CENPF: variants seen among roughly 807,000 people sequenced by gnomAD.
CENPF encodes AH antigen.
CENPF carries 214 observed loss-of-function variants against 307.3 expected under a neutral mutation model. The ratio of observed to expected loss-of-function variants is 0.70; its 90% confidence interval spans 0.62 to 0.78. The LOEUF is 0.78. Among genes scored for constraint, CENPF ranks in the 30% least tolerant of loss-of-function variants. The pLI is 0.00. For missense variants in CENPF, 3,401 were observed against 3,483.9 expected (o/e 0.98, Z 0.60); for synonymous variants, 1,259 against 1,270.6 (o/e 0.99, Z 0.19).
intron 3 of CENPF, chr1:214,615,277 G>A (rs921906129): frequency 3.8e-6 from 1 of 264,412 alleles, no homozygotes. Flanking sequence ...CATTACTCAT[G>A]TATTCATTCA....
Position 214,644,791 on chromosome 1 carries a change from G to T in CENPF, c.5221G>T (p.Gly1741Cys), listed in dbSNP as rs895078150. 1.9e-6 allele frequency: 3 copies of T among 1,613,726 alleles called. No individual in the cohort carries two copies. The highest frequency in any genetic ancestry group is 2.7e-5 in the African/African-American group (2 of 74,832). The change falls in exon 13 of 20, where the codon GGC becomes TGC. Residue 1741 changes from glycine to cysteine, a missense_variant. Coordinates refer to ENST00000366955, the MANE Select transcript of CENPF (RefSeq NM_016343.4). ...YEPPGEDKTQ[G>C]SSECISELSF... ...GCCTCCAGGGGAAGATAAAACCCAG[G>T]GCTCTTCAGAATGCATTTCTGAATT...
intron 5 of CENPF, among the ~76,000 whole-genome samples, 168 bp from the exon 6 acceptor site, chr1:214,620,487 A>G (rs1479080564): frequency 2.0e-5 from 3 of 152,236 alleles, no homozygotes; most frequent in African/African-American, 2.4e-5. Context: ...AGAACATTCC[A>G]TCACTGGGTA....
intron 3 of CENPF, among the ~76,000 whole-genome samples, chr1:214,616,422 C>T (rs988575871): frequency 6.6e-6 from 1 of 152,154 alleles, no homozygotes; most frequent in African/African-American, 2.4e-5. Context: ...ATGGTAGTCA[C>T]TGGCTACAAG....
chr1:214,663,744 C>A lies in CENPF; in HGVS notation c.9295C>A (p.Pro3099Thr). The A allele has an allele frequency of 6.2e-7, 1 of 1,614,010 alleles. No individual in the cohort carries two copies. The highest frequency in any genetic ancestry group is 8.5e-7 in the Non-Finnish European group (1 of 1,180,008). The change falls in exon 20 of 20, where the codon CCC (proline) becomes ACC (threonine). Residue 3099 changes from proline (P) to threonine (T), a missense_variant. Pro to Thr is a conservative substitution (Grantham distance 38). Transcript: ENST00000366955. ...CAAGCGAGGCCGACTTGTCCCCAGC[C>A]CCAAAGCTGGACTGGAGTCCAACGG... ...RVKRGRLVPS[P>T]KAGLESNGSE...
In CENPF at chr1:214,628,065, G is replaced by A. The variant is rs889597235; in HGVS notation, c.1069-981G>A. 2.0e-5 allele frequency among the ~76,000 whole-genome samples: 3 copies of A among 152,166 alleles called. No homozygotes were observed. The East Asian group carries it at 5.8e-4, about 29-fold the overall frequency. The stretch of plus-strand genomic sequence containing the variant: ...CCACAGTTCACAGATAAAAAGGTCC[G>A]GAGTGAGTGCCCAGGGTCATGTTGT... On this transcript the variant is annotated intron_variant, in intron 7 of 19. Coordinates refer to ENST00000366955, the MANE Select transcript of CENPF (RefSeq NM_016343.4).
At chr1:214,653,110 G>T (rs1658534923) in intron 16 of CENPF, 121 bp downstream of exon 16, 1 of 909,290 alleles carries the variant, frequency 1.1e-6, no homozygotes, top group East Asian at 2.5e-5. Flanking sequence ...AGTCAAAAAT[G>T]ATGTCATTCA....
chr1:214,639,235 G>A (rs1349004560), intron 11 of CENPF, among the ~76,000 whole-genome samples: 1 of 152,202 alleles, frequency 6.6e-6, no homozygotes, highest in Non-Finnish European at 1.5e-5. Context: ...GGGCCAGTAT[G>A]TATAGATGAG....
intron 1 of CENPF, among the ~76,000 whole-genome samples, chr1:214,604,089 C>T (rs913247296): frequency 2.6e-5 from 4 of 152,146 alleles, no homozygotes; most frequent in Admixed American, 1.3e-4. Flanking sequence ...TTATCATTCT[C>T]AGACCCAGCC....
At chr1:214,663,178 T>A (rs1415663394) in intron 19 of CENPF, among the ~76,000 whole-genome samples, 1 of 152,224 alleles carries the variant, frequency 6.6e-6, no homozygotes, top group African/African-American at 2.4e-5. Context: ...TTGGTCATTT[T>A]AAAATTTTCC....
Position 214,652,816 on chromosome 1 carries a change from G to A in CENPF, c.8161-12G>A. The A allele has an allele frequency of 6.5e-7, 1 of 1,540,138 alleles. No homozygotes were observed. The highest frequency in any genetic ancestry group is 8.7e-7 in the Non-Finnish European group (1 of 1,148,254). On this transcript the variant is annotated splice_polypyrimidine_tract_variant and intron_variant, in intron 15 of 19. Coordinates refer to ENST00000366955, the MANE Select transcript of CENPF (RefSeq NM_016343.4). ...AGTAACATTTTGGTTTTTTTTGTTT[G>A]TTTTGCTCTAGTATGAAGTAGAAAT... is the stretch of plus-strand genomic sequence containing the variant.
chr1:214,663,487 GAGA>G (rs1429131535), intron 19 of CENPF, 101 bp from the exon 20 acceptor site: 13 of 1,124,000 alleles, frequency 1.2e-5, no homozygotes, highest in Non-Finnish European at 1.4e-5. Flanking sequence ...ATAACTCCTA[GAGA>G]AGAAGAACTT....
intron 7 of CENPF, among the ~76,000 whole-genome samples, chr1:214,625,838 G>T (rs1571704102): frequency 6.6e-6 from 1 of 152,076 alleles, no homozygotes; most frequent in East Asian, 1.9e-4. Flanking sequence ...TTTACAGACT[G>T]TTTTCTCCCT....
chr1:214,630,680 C>T lies in CENPF; in HGVS notation c.1323+18C>T, dbSNP rs774367496. 1.2e-5 allele frequency: 19 copies of T among 1,613,190 alleles called. No individual in the cohort carries two copies. The highest frequency in any genetic ancestry group is 1.6e-5 in the Non-Finnish European group (19 of 1,179,566). Reference sequence around the variant, plus strand: ...TGGATAAAGTAGGGGCCGTGTCTCTCTCTCTCTCCTTAATCATCCCCTCTT... The same window carrying T: ...TGGATAAAGTAGGGGCCGTGTCTCTTTCTCTCTCCTTAATCATCCCCTCTT... On this transcript the variant is annotated intron_variant, in intron 9 of 19. Coordinates refer to ENST00000366955, the MANE Select transcript of CENPF (RefSeq NM_016343.4).
In CENPF at chr1:214,655,297, G is replaced by C; in HGVS notation, c.8379G>C (p.Gly2793=). ...AGAAGGAAAATGAACGTGCCCAGGG[G>C]AAAATGAAGTTGTTGATCAAATCCT... ...QLKKENERAQ[G]KMKLLIKSCK... is the part of the protein sequence containing the mutation. Residue 2793 remains glycine (G), a synonymous_variant, in exon 17 of 20, where the codon GGG becomes GGC. Transcript: ENST00000366955. 1 of 1,609,830 alleles carries C rather than the reference G, an allele frequency of 6.2e-7. No individual in the cohort carries two copies. Among genetic ancestry groups the C allele is most frequent in the Non-Finnish European group, 8.5e-7 (1 of 1,177,846 alleles).
chr1:214,613,597 C>G, intron 1 of CENPF, 117 bp from the exon 2 acceptor site: 1 of 669,502 alleles, frequency 1.5e-6, no homozygotes, highest in East Asian at 2.9e-5. Context: ...ACTTTGTTAT[C>G]TTTTGAAATG....
At position 214,632,533 on chromosome 1, in the gene CENPF, G is replaced by A; in HGVS notation, c.1377G>A (p.Lys459=). 1 of 1,614,110 alleles carries A rather than the reference G, an allele frequency of 6.2e-7. No homozygotes were observed. Among genetic ancestry groups the A allele is most frequent in the Non-Finnish European group, 8.5e-7 (1 of 1,179,984 alleles). ...LENNLEEFKQ[K]LCRAEQAFQA... ...ACAATTTGGAAGAGTTTAAGCAAAA[G>A]TTGTGCAGAGCTGAACAGGCGTTCC... is the stretch of plus-strand genomic sequence containing the variant. Residue 459 remains lysine, a synonymous_variant, in exon 10 of 20, where the codon AAG becomes AAA. Coordinates refer to ENST00000366955, the MANE Select transcript of CENPF (RefSeq NM_016343.4).
rs1658180752 is a variant in CENPF, at chr1:214,643,168, A to C, written c.4830A>C (p.Gln1610His). The C allele has an allele frequency of 1.9e-6, 3 of 1,602,658 alleles. No homozygotes were observed. The highest frequency in any genetic ancestry group is 2.6e-6 in the Non-Finnish European group (3 of 1,176,372). ...ATTTGTCAGAAAATGAACAGTGGCA[A>C]CAGAAGCTGACAAGCGTGACTCTGG... ...KQYLSENEQW[Q>H]QKLTSVTLEM... The change falls in exon 12 of 20, where the codon CAA (glutamine) becomes CAC (histidine). Residue 1610 changes from glutamine to histidine, a missense_variant. By Grantham distance (24) the Gln-to-His change is conservative (BLOSUM62 0). Coordinates refer to ENST00000366955, the MANE Select transcript of CENPF (RefSeq NM_016343.4).
chr1:214,634,576 G>T (rs930892164), intron 10 of CENPF, among the ~76,000 whole-genome samples: 2 of 152,158 alleles, frequency 1.3e-5, no homozygotes, highest in Non-Finnish European at 2.9e-5. Flanking sequence ...GTTAAATATT[G>T]TATGTAAAGT....
At chr1:214,655,103 G>T in intron 16 of CENPF, 138 bp from the exon 17 acceptor site, 1 of 536,208 alleles carries the variant, frequency 1.9e-6, no homozygotes, top group Non-Finnish European at 3.1e-6. Context: ...GAATGGTTTT[G>T]TGCATCTTTA....
Sources: gnomAD v4.1 joint callset for allele counts (sites outside exome capture counted in the v4.1 genomes callset) on GRCh38, gnomAD v4.1.1 for gene constraint, MANE v1.5 for transcripts, NCBI Gene and HGNC (gene_info 2026-07-23, HGNC 2026-07-21) for gene names.